NRG1: variants seen among roughly 807,000 people sequenced by gnomAD.
NRG1 encodes neuregulin 1, also known as pro-neuregulin-1, membrane-bound isoform.
NRG1 carries 18 observed loss-of-function variants against 63.8 expected under a neutral mutation model. The observed-to-expected ratio is 0.28, with a 90% CI of 0.19 to 0.42. NRG1 has a LOEUF of 0.42. Ranked by LOEUF, NRG1 falls within the 10% of genes least tolerant of loss-of-function variation. NRG1 has a pLI of 1.00. For missense variants in NRG1, 762 were observed against 814.7 expected, an observed-to-expected ratio of 0.94 and a Z score of 0.79; for synonymous variants, 302 against 301.3, an observed-to-expected ratio of 1.00 and a Z score of -0.02.
At chr8:32,492,947 T>C (rs1826774923) in intron 1 of NRG1, among the ~76,000 whole-genome samples, 1 of 152,156 alleles carries the variant, frequency 6.6e-6, no homozygotes, top group Admixed American at 6.6e-5. Flanking sequence ...GAAACCATAG[T>C]GTCATAATGA....
chr8:32,224,341 C>T (rs1182690510), intron 1 of NRG1, among the ~76,000 whole-genome samples: 1 of 152,144 alleles, frequency 6.6e-6, no homozygotes, highest in East Asian at 1.9e-4. Flanking sequence ...CCACCCTTCA[C>T]AAGGATCCAG....
At chr8:32,468,051 T>A (rs951841227) in intron 1 of NRG1, among the ~76,000 whole-genome samples, 1 of 152,200 alleles carries the variant, frequency 6.6e-6, no homozygotes, top group African/African-American at 2.4e-5. Context: ...AAATAGTATG[T>A]AATGCTCCAG....
chr8:32,306,324 T>C (rs1382992308), intron 1 of NRG1, among the ~76,000 whole-genome samples: 1 of 152,188 alleles, frequency 6.6e-6, no homozygotes, highest in East Asian at 1.9e-4. Flanking sequence ...GTAAATCTCC[T>C]TAAGAAAAAA....
exon 12 of NRG1, chr8:32,765,476 A>T (rs1377890911): frequency 1.3e-5 from 2 of 152,300 alleles, no homozygotes; most frequent in Admixed American, 1.3e-4. Context: ...TTTCCATCGT[A>T]GAGTGTTCAG....
intron 1 of NRG1, among the ~76,000 whole-genome samples, chr8:32,067,117 A>C (rs1272052750): frequency 6.6e-6 from 1 of 152,156 alleles, no homozygotes. Context: ...CTAAATATAC[A>C]ATCATATCAT....
chr8:31,894,507 G>A (rs978017897), intron 1 of NRG1, among the ~76,000 whole-genome samples: 19 of 150,890 alleles, frequency 1.3e-4, no homozygotes, highest in African/African-American at 3.4e-4. Context: ...GTTTGCATAG[G>A]TTATCATTGA....
intron 1 of NRG1, among the ~76,000 whole-genome samples, chr8:32,080,865 G>A (rs558226551): frequency 6.0e-4 from 91 of 152,014 alleles, no homozygotes; most frequent in African/African-American, 2.2e-3. Flanking sequence ...CACAATTATG[G>A]AGACTGGCAA....
intron 1 of NRG1, among the ~76,000 whole-genome samples, chr8:31,927,518 G>A (rs1177041479): frequency 7.4e-6 from 1 of 134,614 alleles, no homozygotes; most frequent in Non-Finnish European, 1.5e-5. Flanking sequence ...GCGGGATCTC[G>A]GCTCACTGCA....
At chr8:32,664,779 T>C (rs1803725942) in intron 5 of NRG1, among the ~76,000 whole-genome samples, 1 of 152,124 alleles carries the variant, frequency 6.6e-6, no homozygotes, top group Non-Finnish European at 1.5e-5. Flanking sequence ...AGGAAACGAT[T>C]CCATGCACAT....
At chr8:32,096,361 T>C (rs756230808) in intron 1 of NRG1, among the ~76,000 whole-genome samples, 9 of 152,236 alleles carry the variant, frequency 5.9e-5, no homozygotes, top group Non-Finnish European at 8.8e-5. Flanking sequence ...ACACATACAA[T>C]GTGTAATGAT....
chr8:32,609,584 T>A (rs1401732521), intron 3 of NRG1, among the ~76,000 whole-genome samples: 1 of 131,900 alleles, frequency 7.6e-6, no homozygotes, highest in Non-Finnish European at 1.6e-5. Flanking sequence ...CCTTCCTTCC[T>A]TCCTTCCTTC....
At chr8:32,583,091 A>T (rs542005365) in intron 1 of NRG1, among the ~76,000 whole-genome samples, 1 of 151,988 alleles carries the variant, frequency 6.6e-6, no homozygotes, top group East Asian at 1.9e-4. Context: ...AAGTATATGT[A>T]GTTTTTCAGA....
At chr8:31,913,199 A>T (rs1038294285) in intron 1 of NRG1, among the ~76,000 whole-genome samples, 1 of 152,210 alleles carries the variant, frequency 6.6e-6, no homozygotes, top group Non-Finnish European at 1.5e-5. Flanking sequence ...CATGTACTGG[A>T]ACTACTGTGG....
chr8:32,425,861 C>A (rs1817292229), intron 1 of NRG1, among the ~76,000 whole-genome samples: 1 of 152,130 alleles, frequency 6.6e-6, no homozygotes, highest in African/African-American at 2.4e-5. Context: ...TCCCTGGTAT[C>A]ATCATGATGG....
At chr8:31,875,547 C>T (rs1411030903) in intron 1 of NRG1, among the ~76,000 whole-genome samples, 4 of 152,150 alleles carry the variant, frequency 2.6e-5, no homozygotes, top group Non-Finnish European at 4.4e-5. Flanking sequence ...TGCCTCAGCA[C>T]GGAGATCATG....
chr8:32,020,213 T>A (rs1816213005), intron 1 of NRG1, among the ~76,000 whole-genome samples: 1 of 152,204 alleles, frequency 6.6e-6, no homozygotes, highest in Admixed American at 6.5e-5. Flanking sequence ...ATAGATGTAT[T>A]ATGCATGTTT....
At chr8:32,045,757 A>G (rs918194953) in intron 1 of NRG1, among the ~76,000 whole-genome samples, 5 of 152,010 alleles carry the variant, frequency 3.3e-5, no homozygotes, top group East Asian at 1.9e-4. Context: ...AACAATTGGT[A>G]TACAGAAGAA....
intron 1 of NRG1, among the ~76,000 whole-genome samples, chr8:31,997,815 G>A (rs1812258057): frequency 6.6e-6 from 1 of 151,912 alleles, no homozygotes; most frequent in South Asian, 2.1e-4. Flanking sequence ...GAACTTACAT[G>A]TGTTACCTAA....
intron 1 of NRG1, among the ~76,000 whole-genome samples, chr8:32,387,325 T>A (rs1030082151): frequency 2.0e-5 from 3 of 152,220 alleles, no homozygotes; most frequent in Admixed American, 6.5e-5. Context: ...AAAGAGCTAA[T>A]GGTAGGGACT....
Sources: allele counts gnomAD v4.1 joint callset (sites outside exome capture counted in the v4.1 genomes callset), GRCh38; gene constraint gnomAD v4.1.1; transcripts MANE v1.5; gene names NCBI Gene and HGNC (gene_info 2026-07-23, HGNC 2026-07-21).